GULP1: variants seen among roughly 807,000 people sequenced by gnomAD.
GULP1 encodes the protein GULP PTB domain containing engulfment adaptor 1, also known as PTB domain-containing engulfment adapter protein 1.
GULP1 carries 19 observed loss-of-function variants against 40.9 expected under a neutral mutation model. The ratio of observed to expected loss-of-function variants is 0.46; its 90% CI spans 0.32 to 0.68. GULP1 has a LOEUF of 0.68. GULP1 is among the 30% of genes least tolerant of loss of function. The pLI is 0.03. For synonymous variants in GULP1, 119 were observed against 117.6 expected, an observed-to-expected ratio of 1.01 and a Z score of -0.08; for missense variants, 312 against 362.2, an observed-to-expected ratio of 0.86 and a Z score of 1.12.
Position 188,298,278 on chromosome 2 carries a change from A to C in GULP1, c.-172+6112A>C, listed in dbSNP as rs1210740878. ...CTAGTAGTGCAAATAAATACAGAGA[A>C]AGTTTGGCTGATTAGAAAGAACAAT... On this transcript the variant is annotated intron_variant, in intron 1 of 11. Coordinates refer to ENST00000409830, the MANE Select transcript of GULP1 (RefSeq NM_016315.4). Among the ~76,000 whole-genome samples, 3 of 151,526 alleles carry C rather than the reference A, an allele frequency of 2.0e-5. 1 individual carries two copies. The highest frequency in any genetic ancestry group is 6.6e-5 in the Admixed American group (1 of 15,188).
At chr2:188,387,604 C>T (rs1210421834) in intron 2 of GULP1, among the ~76,000 whole-genome samples, 1 of 152,082 alleles carries the variant, frequency 6.6e-6, no homozygotes, top group Non-Finnish European at 1.5e-5. Flanking sequence ...AACAAAAGAC[C>T]ACTTGAGTTG....
Position 188,292,246 on chromosome 2 carries a change from T to C in GULP1, c.-172+80T>C, listed in dbSNP as rs1574137036. On this transcript the variant is annotated intron_variant, in intron 1 of 11. Transcript: ENST00000409830. This position sits in a 1 kb window ranked among gnomAD's most constrained non-coding sequence, Gnocchi z 4.0. ...TAGCGTGGAATCGCTTAGAAGCTGA[T>C]ATCCCGAGGGGCGGTGGGGGTGGAC... 1 of 152,464 alleles carries C rather than the reference T, an allele frequency of 6.6e-6. No homozygotes were observed. The highest frequency in any genetic ancestry group is 1.9e-4 in the East Asian group (1 of 5,182). The allele number at this position is 152,464 out of a possible 1,614,324, so 9.4% of individuals were successfully genotyped here.
intron 9 of GULP1, 35 bp from the exon 10 acceptor site, chr2:188,584,230 G>T: frequency 1.4e-6 from 2 of 1,441,920 alleles, no homozygotes; most frequent in South Asian, 1.3e-5. Context: ...GTGTCTATAT[G>T]AAATATTACC....
At chr2:188,539,628 A>T (rs1449850710) in intron 6 of GULP1, among the ~76,000 whole-genome samples, 3 of 152,028 alleles carry the variant, frequency 2.0e-5, no homozygotes, top group Non-Finnish European at 4.4e-5. Context: ...CCTACAATAT[A>T]CTTCCTTATT....
intron 1 of GULP1, among the ~76,000 whole-genome samples, chr2:188,346,993 C>G (rs2043769474): frequency 6.6e-6 from 1 of 151,468 alleles, no homozygotes; most frequent in Non-Finnish European, 1.5e-5. Context: ...AATTGTTTTG[C>G]TTTTAGAGAG....
intron 7 of GULP1, among the ~76,000 whole-genome samples, chr2:188,552,511 C>T (rs1693729094): frequency 6.6e-6 from 1 of 151,760 alleles, no homozygotes; most frequent in Non-Finnish European, 1.5e-5. Flanking sequence ...TTCCATTATT[C>T]TGTGTGTCTG....
chr2:188,449,744 G>T (rs995362968), intron 2 of GULP1, among the ~76,000 whole-genome samples: 2 of 152,180 alleles, frequency 1.3e-5, no homozygotes, highest in Non-Finnish European at 2.9e-5. Flanking sequence ...ATCATGCCTG[G>T]AAATAATGCA....
intron 9 of GULP1, chr2:188,582,446 A>C (rs768165925): frequency 2.1e-6 from 1 of 471,484 alleles, no homozygotes; most frequent in Non-Finnish European, 4.4e-6. Flanking sequence ...TATTTCTTCC[A>C]TCTCTGTCAC....
At chr2:188,501,892 A>C (rs1306568004) in intron 4 of GULP1, among the ~76,000 whole-genome samples, 3 of 151,932 alleles carry the variant, frequency 2.0e-5, no homozygotes, top group Non-Finnish European at 4.4e-5. Flanking sequence ...AAAACATATC[A>C]GCCAGGCAGG....
At chr2:188,413,921 C>T (rs1256451242) in intron 2 of GULP1, among the ~76,000 whole-genome samples, 2 of 151,916 alleles carry the variant, frequency 1.3e-5, no homozygotes, top group Admixed American at 1.3e-4. Flanking sequence ...TTAGTGTTGC[C>T]TTGTAAAAAT....
At chr2:188,318,925 C>G (rs2039544335) in intron 1 of GULP1, among the ~76,000 whole-genome samples, 1 of 152,148 alleles carries the variant, frequency 6.6e-6, no homozygotes, top group Non-Finnish European at 1.5e-5. Flanking sequence ...GATTTCTTTC[C>G]TGGACAGAGT....
At chr2:188,353,744 T>C (rs1255825630) in intron 1 of GULP1, among the ~76,000 whole-genome samples, 2 of 151,680 alleles carry the variant, frequency 1.3e-5, no homozygotes, top group Non-Finnish European at 2.9e-5. Flanking sequence ...AGAGTGGTAA[T>C]GTACCCTAGT....
chr2:188,311,872 A>G (rs542194098), intron 1 of GULP1, among the ~76,000 whole-genome samples: 6 of 148,350 alleles, frequency 4.0e-5, no homozygotes, highest in African/African-American at 1.2e-4. Flanking sequence ...TTATAAATAT[A>G]TACACATTAC....
rs564252517 is a variant in GULP1 at position 188,398,962 on chromosome 2, T to C, written c.-45+15073T>C. Among the ~76,000 whole-genome samples, 45 of 152,350 alleles carry C rather than the reference T, an allele frequency of 3.0e-4. 1 individual carries two copies. The highest frequency in any genetic ancestry group is 2.9e-3 in the Admixed American group (45 of 15,304). On this transcript the variant is annotated intron_variant, in intron 2 of 11. Transcript: ENST00000409830. ...AAGGAAATTGGCAAATCATGAATTT[T>C]AAATTGCATAGTTTATCAGTTAGGT...
intron 1 of GULP1, among the ~76,000 whole-genome samples, chr2:188,339,349 G>T (rs1201392622): frequency 6.6e-6 from 1 of 152,040 alleles, no homozygotes; most frequent in African/African-American, 2.4e-5. Context: ...TATGTTTTTG[G>T]TGTTTCAAGT....
chr2:188,414,760 A>G (rs1325749520), intron 2 of GULP1, among the ~76,000 whole-genome samples: 4 of 152,222 alleles, frequency 2.6e-5, no homozygotes, highest in Admixed American at 2.0e-4. Flanking sequence ...TGTGTTAATG[A>G]ATCTGTGTAA....
At chr2:188,357,808 C>T (rs2045554078) in intron 1 of GULP1, among the ~76,000 whole-genome samples, 1 of 152,086 alleles carries the variant, frequency 6.6e-6, no homozygotes, top group South Asian at 2.1e-4. Flanking sequence ...ATGGAATCAA[C>T]CTTAGTGTAC....
intron 1 of GULP1, among the ~76,000 whole-genome samples, chr2:188,335,743 T>G (rs67086516): frequency 0.18 from 26,711 of 152,166 alleles, 2,416 homozygotes; most frequent in East Asian, 0.25. Context: ...TAGTTTATAG[T>G]AACAAGATAA....
chr2:188,494,371 T>C (rs761537873), intron 4 of GULP1, among the ~76,000 whole-genome samples: 3 of 152,176 alleles, frequency 2.0e-5, no homozygotes, highest in Admixed American at 1.3e-4. Context: ...ATGTCTATGA[T>C]GAAACAGCGG....
Sources: allele counts gnomAD v4.1 joint callset (sites outside exome capture counted in the v4.1 genomes callset), GRCh38; gene constraint gnomAD v4.1.1; non-coding constraint Gnocchi (gnomAD v3.1); transcripts MANE v1.5; gene names NCBI Gene and HGNC (gene_info 2026-07-23, HGNC 2026-07-21).